Variants in ARHGAP24 observed in about 807,000 individuals in gnomAD.
ARHGAP24 encodes the protein Rho GTPase activating protein 24.
Under a neutral mutation model 76.4 loss-of-function variants are expected in ARHGAP24, and 50 were observed. That is an observed-to-expected ratio of 0.65 (90% CI 0.52 to 0.83). The LOEUF (loss-of-function observed/expected upper bound fraction) is 0.83. Ranked by LOEUF, ARHGAP24 falls within the 40% of genes least tolerant of loss-of-function variation. The pLI, the probability that ARHGAP24 is intolerant of heterozygous loss-of-function variation, is 0.00. For missense variants in ARHGAP24, 930 were observed against 914.2 expected (o/e 1.02, Z -0.22); for synonymous variants, 345 against 323.3 (o/e 1.07, Z -0.72).
intron 3 of ARHGAP24, among the ~76,000 whole-genome samples, chr4:85,776,742 T>G (rs1017750794): frequency 6.6e-6 from 1 of 152,176 alleles, no homozygotes; most frequent in African/African-American, 2.4e-5. Flanking sequence ...CACTCTTTCC[T>G]TCCTTCCTGC....
chr4:85,981,710 C>G (rs1257659525), intron 8 of ARHGAP24, among the ~76,000 whole-genome samples: 2 of 152,082 alleles, frequency 1.3e-5, no homozygotes, highest in African/African-American at 4.8e-5. Context: ...ATTTTCACCT[C>G]TCTCTTAGCA....
intron 3 of ARHGAP24, among the ~76,000 whole-genome samples, chr4:85,750,066 T>C (rs531606677): frequency 2.0e-5 from 3 of 152,142 alleles, no homozygotes; most frequent in Non-Finnish European, 4.4e-5. Context: ...GGCACTGTTC[T>C]AGACTCCAGG....
chr4:85,798,486 G>C (rs1728455211), intron 3 of ARHGAP24, among the ~76,000 whole-genome samples: 1 of 152,164 alleles, frequency 6.6e-6, no homozygotes, highest in Non-Finnish European at 1.5e-5. Context: ...CAATATGTAT[G>C]ACAAAATTCC....
At chr4:85,532,643 GT>G (rs1725315124) in intron 1 of ARHGAP24, among the ~76,000 whole-genome samples, 1 of 152,120 alleles carries the variant, frequency 6.6e-6, no homozygotes, top group Admixed American at 6.5e-5. Context: ...AACCACAAAT[GT>G]TATGATCATA....
chr4:85,779,390 A>G (rs974698938), intron 3 of ARHGAP24, among the ~76,000 whole-genome samples: 4 of 152,182 alleles, frequency 2.6e-5, no homozygotes, highest in African/African-American at 9.7e-5. Context: ...TATGGAGCCA[A>G]TCAGACAAGA....
intron 4 of ARHGAP24, chr4:85,931,071 T>G (rs766114418): frequency 6.3e-7 from 1 of 1,590,644 alleles, no homozygotes; most frequent in Non-Finnish European, 8.6e-7. Context: ...CATGTCCTTT[T>G]TATAAATATA....
At chr4:85,937,310 T>A (rs1736697559) in intron 4 of ARHGAP24, among the ~76,000 whole-genome samples, 1 of 152,182 alleles carries the variant, frequency 6.6e-6, no homozygotes, top group African/African-American at 2.4e-5. Context: ...TAGCTTGTAC[T>A]GATAACCAAA....
intron 2 of ARHGAP24, among the ~76,000 whole-genome samples, chr4:85,689,760 T>G (rs1332749618): frequency 2.0e-5 from 3 of 152,172 alleles, no homozygotes; most frequent in African/African-American, 7.2e-5. Flanking sequence ...CTAGGAGCCT[T>G]TTGTCAGAGT....
At chr4:85,618,216 T>C (rs1720601392) in intron 2 of ARHGAP24, among the ~76,000 whole-genome samples, 1 of 152,160 alleles carries the variant, frequency 6.6e-6, no homozygotes, top group Non-Finnish European at 1.5e-5. Flanking sequence ...TTCTTTAGAT[T>C]TTTCACATAT....
chr4:85,782,267 C>T (rs939569703), intron 3 of ARHGAP24, among the ~76,000 whole-genome samples: 1 of 150,712 alleles, frequency 6.6e-6, no homozygotes, highest in Non-Finnish European at 1.5e-5. Context: ...TTTTCGTGTT[C>T]ATACCTAAAT....
At chr4:85,895,499 G>C (rs943278410) in intron 3 of ARHGAP24, among the ~76,000 whole-genome samples, 5 of 152,274 alleles carry the variant, frequency 3.3e-5, no homozygotes, top group South Asian at 2.1e-4. Context: ...TGAGCAGCTA[G>C]ATTTCTCATC....
chr4:85,584,454 G>T (rs955028833), intron 2 of ARHGAP24, among the ~76,000 whole-genome samples: 1 of 146,602 alleles, frequency 6.8e-6, no homozygotes, highest in Non-Finnish European at 1.5e-5. Context: ...GGTTGGGGGA[G>T]GGGGGAGGGA....
At chr4:85,724,136 T>C (rs1396045662) in intron 3 of ARHGAP24, among the ~76,000 whole-genome samples, 1 of 152,210 alleles carries the variant, frequency 6.6e-6, no homozygotes. Flanking sequence ...TGGGCCTACC[T>C]GGCAGCAGAT....
chr4:85,490,652 T>A (rs1723314385), intron 1 of ARHGAP24, among the ~76,000 whole-genome samples: 2 of 152,164 alleles, frequency 1.3e-5, no homozygotes, highest in Admixed American at 1.3e-4. Flanking sequence ...AACATTTGTT[T>A]GGGAGCTTTG....
chr4:85,482,486 G>A (rs1722855103), intron 1 of ARHGAP24, among the ~76,000 whole-genome samples: 1 of 152,068 alleles, frequency 6.6e-6, no homozygotes, highest in African/African-American at 2.4e-5. Context: ...GCCTCATGAG[G>A]AGCTCTGAGA....
At chr4:85,912,861 TTC>T (rs1324213347) in intron 3 of ARHGAP24, among the ~76,000 whole-genome samples, 1 of 152,232 alleles carries the variant, frequency 6.6e-6, no homozygotes, top group African/African-American at 2.4e-5. Context: ...CTATTTTTTT[TTC>T]TTTCAATAAT....
intron 2 of ARHGAP24, among the ~76,000 whole-genome samples, chr4:85,669,324 C>T (rs1488056673): frequency 1.3e-5 from 2 of 152,024 alleles, no homozygotes; most frequent in Non-Finnish European, 2.9e-5. Context: ...ATTTAGGTTT[C>T]AGGGTCATAC....
chr4:85,876,044 G>C (rs899754992), intron 3 of ARHGAP24, among the ~76,000 whole-genome samples: 1 of 151,976 alleles, frequency 6.6e-6, no homozygotes, highest in Non-Finnish European at 1.5e-5. Flanking sequence ...CACTCAGCTG[G>C]AATAGATATA....
intron 2 of ARHGAP24, among the ~76,000 whole-genome samples, chr4:85,687,166 T>A (rs1723453454): frequency 6.6e-6 from 1 of 152,092 alleles, no homozygotes; most frequent in African/African-American, 2.4e-5. Flanking sequence ...GAGGGAGAAA[T>A]TAGAAGTTGT....
Sources: allele counts gnomAD v4.1 joint callset (sites outside exome capture counted in the v4.1 genomes callset), GRCh38; gene constraint gnomAD v4.1.1; transcripts MANE v1.5; gene names NCBI Gene and HGNC (gene_info 2026-07-23, HGNC 2026-07-21).